WWC2: variants seen among roughly 807,000 people sequenced by gnomAD.
WWC2 encodes the protein protein WWC2.
WWC2 carries 101 observed loss-of-function variants against 138.5 expected under a neutral mutation model. The observed-to-expected ratio is 0.73, with a 90% confidence interval of 0.62 to 0.86. WWC2 has a LOEUF of 0.86. Ranked by LOEUF, WWC2 falls within the 40% of genes least tolerant of loss-of-function variation. The probability of loss-of-function intolerance (pLI) is 0.00; values close to 1 mark genes in which losing one functional copy is unlikely to be tolerated. For synonymous variants in WWC2, 558 were observed against 538.4 expected (o/e 1.04, Z -0.50); for missense variants, 1,420 against 1,419.4 (o/e 1.00, Z -0.01).
Position 183,155,580 on chromosome 4 carries a change from A to G in WWC2, c.132-38019A>G, listed in dbSNP as rs187095684. ...GGAGACGAATTTGGACAATACTATA[A>G]TGGTATAGGGGTGAAAAAGGTGTCT... On this transcript the variant is annotated intron_variant, in intron 1 of 22. Transcript: ENST00000403733. Among the ~76,000 whole-genome samples, 6 of 152,228 alleles carry G rather than the reference A, an allele frequency of 3.9e-5. No individual in the cohort carries two copies. In the East Asian group the frequency reaches 1.2e-3, roughly 29 times the overall value.
At chr4:183,168,431 A>G (rs1020146156) in intron 1 of WWC2, among the ~76,000 whole-genome samples, 1 of 152,210 alleles carries the variant, frequency 6.6e-6, no homozygotes, top group Non-Finnish European at 1.5e-5. Flanking sequence ...TGAGTCAAAC[A>G]TTATCATTTT....
intron 1 of WWC2, among the ~76,000 whole-genome samples, chr4:183,138,760 A>G (rs772873254): frequency 1.5e-4 from 23 of 152,088 alleles, no homozygotes; most frequent in Non-Finnish European, 2.1e-4. Flanking sequence ...TTTTCTCGCT[A>G]GCTCATGGAC....
intron 15 of WWC2, chr4:183,269,467 C>T (rs777075718): frequency 3.7e-6 from 2 of 538,394 alleles, no homozygotes; most frequent in South Asian, 3.1e-5. Flanking sequence ...GTGCTTACCA[C>T]TCCCAGTACC....
At position 183,129,611 on chromosome 4, in the gene WWC2, T is replaced by C. The variant is rs573269580; in HGVS notation, c.131+29989T>C. Among the ~76,000 whole-genome samples, 3 of 152,338 alleles carry C rather than the reference T, an allele frequency of 2.0e-5. No homozygotes were observed. The East Asian group carries it at 5.8e-4, about 29-fold the overall frequency. On this transcript the variant is annotated intron_variant, in intron 1 of 22. Coordinates refer to ENST00000403733, the MANE Select transcript of WWC2 (RefSeq NM_024949.6). ...CTGCCTTATGAAGTGGTATGTTTCT[T>C]ATCACTGTTGATGCCAAGAATCTGT...
At position 183,280,842 on chromosome 4, in the gene WWC2, CAAGAAG is replaced by C. The variant is rs548940774; in HGVS notation, c.2641_2646del (p.Glu881_Glu882del). On this transcript the variant is annotated inframe_deletion, in exon 17 of 23. Coordinates refer to ENST00000403733, the MANE Select transcript of WWC2 (RefSeq NM_024949.6). Reference sequence around the variant, plus strand: ...GTTAGCTGTGGAACAAGAATTAGCACAAGAAGAAGAAGAAGAATCAGGACAAGAAGA... The same window carrying C: ...GTTAGCTGTGGAACAAGAATTAGCACAAGAAGAAGAATCAGGACAAGAAGA... 5.0e-6 allele frequency: 8 copies of C among 1,594,406 alleles called. No individual in the cohort carries two copies. Among genetic ancestry groups the C allele is most frequent in the Non-Finnish European group, 6.0e-6 (7 of 1,170,112 alleles).
intron 1 of WWC2, among the ~76,000 whole-genome samples, chr4:183,179,126 G>A (rs989581745): frequency 1.3e-5 from 2 of 152,132 alleles, no homozygotes; most frequent in Admixed American, 1.3e-4. Flanking sequence ...ATTGTTGAAT[G>A]AAAAAAGTAA....
chr4:183,121,785 C>CTTTTTTT (rs528295307), intron 1 of WWC2, among the ~76,000 whole-genome samples: 1 of 124,222 alleles, frequency 8.1e-6, no homozygotes. Flanking sequence ...TGTTAAGAAG[C>CTTTTTTT]TTTTTTTTTT....
At chr4:183,133,143 CTTT>C (rs1041167469) in intron 1 of WWC2, among the ~76,000 whole-genome samples, 1 of 86,942 alleles carries the variant, frequency 1.2e-5, no homozygotes, top group Non-Finnish European at 2.3e-5. Context: ...TTCTTTCTTT[CTTT>C]TTTTTCTTTT....
At chr4:183,141,525 C>A (rs1733298803) in intron 1 of WWC2, among the ~76,000 whole-genome samples, 1 of 152,150 alleles carries the variant, frequency 6.6e-6, no homozygotes, top group Non-Finnish European at 1.5e-5. Context: ...CCCCAGGAGG[C>A]AAATATATAG....
chr4:183,300,644 T>C (rs2111099473), intron 21 of WWC2, among the ~76,000 whole-genome samples: 1 of 152,250 alleles, frequency 6.6e-6, no homozygotes, highest in East Asian at 1.9e-4. Context: ...AAGATATAGG[T>C]ATAGATACAG....
At chr4:183,197,037 A>C (rs925816565) in intron 2 of WWC2, among the ~76,000 whole-genome samples, 16 of 152,238 alleles carry the variant, frequency 1.1e-4, no homozygotes, top group African/African-American at 3.6e-4. Context: ...CTGGGCAACT[A>C]GTATAATGAT....
chr4:183,213,105 G>A (rs1485955477), intron 4 of WWC2, among the ~76,000 whole-genome samples: 1 of 152,166 alleles, frequency 6.6e-6, no homozygotes, highest in Non-Finnish European at 1.5e-5. Flanking sequence ...CACTGTGAAT[G>A]CCTTTTTAGA....
chr4:183,186,682 C>T (rs1734812495), intron 1 of WWC2, among the ~76,000 whole-genome samples: 1 of 151,960 alleles, frequency 6.6e-6, no homozygotes, highest in Non-Finnish European at 1.5e-5. Flanking sequence ...GGCAGGCTAG[C>T]CTGGAGGAGG....
At chr4:183,287,369 GTCT>G (rs1384692945) in intron 20 of WWC2, among the ~76,000 whole-genome samples, 1 of 152,070 alleles carries the variant, frequency 6.6e-6, no homozygotes, top group African/African-American at 2.4e-5. Context: ...TGAATGAAAA[GTCT>G]TCTCAACTCC....
chr4:183,189,802 C>G (rs1734941277), intron 1 of WWC2, among the ~76,000 whole-genome samples: 1 of 152,044 alleles, frequency 6.6e-6, no homozygotes, highest in African/African-American at 2.4e-5. Context: ...TTTTTAAGTG[C>G]TTATTCATTT....
At position 183,099,475 on chromosome 4, in the gene WWC2, C is replaced by T. The variant is rs1358226483; in HGVS notation, c.-17C>T. 2.3e-6 allele frequency: 3 copies of T among 1,289,692 alleles called. No individual in the cohort carries two copies. The highest frequency in any genetic ancestry group is 1.6e-5 in the African/African-American group (1 of 63,884). The allele number at this position is 1,289,692 out of a possible 1,614,324, so 79.9% of individuals were successfully genotyped here. ...CGGTACCTATGGAGGCGCCGCTCGC[C>T]GGCGAGGCCGCCGACCATGCCTAGG... On this transcript the variant is annotated 5_prime_UTR_variant, in exon 1 of 23. Coordinates refer to ENST00000403733, the MANE Select transcript of WWC2 (RefSeq NM_024949.6).
intron 6 of WWC2, among the ~76,000 whole-genome samples, chr4:183,245,985 T>G (rs984389696): frequency 2.0e-5 from 3 of 152,174 alleles, no homozygotes; most frequent in South Asian, 2.1e-4. Flanking sequence ...TAGAAAAGTT[T>G]TCCGACCCAG....
intron 1 of WWC2, among the ~76,000 whole-genome samples, chr4:183,129,205 G>A (rs894959002): frequency 6.6e-6 from 1 of 152,206 alleles, no homozygotes; most frequent in Non-Finnish European, 1.5e-5. Flanking sequence ...ATGGTGAAGG[G>A]ACTGGAAATT....
At chr4:183,271,601 G>A (rs923432121) in intron 16 of WWC2, among the ~76,000 whole-genome samples, 4 of 152,256 alleles carry the variant, frequency 2.6e-5, no homozygotes, top group African/African-American at 9.6e-5. Context: ...TCCACTGTCA[G>A]GTTATACATT....
Sources: allele counts gnomAD v4.1 joint callset (sites outside exome capture counted in the v4.1 genomes callset), GRCh38; gene constraint gnomAD v4.1.1; transcripts MANE v1.5; gene names NCBI Gene and HGNC (gene_info 2026-07-23, HGNC 2026-07-21).